PDE7B: variants seen among roughly 807,000 people sequenced by gnomAD.
The protein encoded by PDE7B is 3',5'-cyclic-AMP phosphodiesterase 7B.
A neutral mutation model predicts 56.2 loss-of-function variants in PDE7B; 29 were observed. The ratio of observed to expected loss-of-function variants is 0.52; its 90% confidence interval spans 0.38 to 0.70. The LOEUF (loss-of-function observed/expected upper bound fraction) is 0.70. Among genes scored for constraint, PDE7B ranks in the 30% least tolerant of loss-of-function variants. PDE7B has a pLI of 0.00. For missense variants in PDE7B, 490 were observed against 565.0 expected (o/e 0.87, Z 1.35); for synonymous variants, 197 against 196.9 (o/e 1.00, Z 0.00).
intron 2 of PDE7B, among the ~76,000 whole-genome samples, chr6:135,979,947 G>A (rs577534522): frequency 0.013 from 2,047 of 152,184 alleles, 55 homozygotes; most frequent in African/African-American, 0.046. Context: ...CTACTTTAAA[G>A]TTCATATGGA....
intron 3 of PDE7B, among the ~76,000 whole-genome samples, chr6:136,112,214 G>A (rs1301280621): frequency 6.6e-6 from 1 of 152,116 alleles, no homozygotes; most frequent in East Asian, 1.9e-4. Flanking sequence ...GGAGGGCAGA[G>A]GACATCAGAA....
intron 1 of PDE7B, among the ~76,000 whole-genome samples, chr6:135,878,547 A>G (rs1323373679): frequency 6.6e-6 from 1 of 152,202 alleles, no homozygotes. Flanking sequence ...AAAGAATGCA[A>G]TAAACATTAT....
At position 135,989,220 on chromosome 6, in the gene PDE7B, T is replaced by C. The variant is rs373664777; in HGVS notation, c.82+41696T>C. Among the ~76,000 whole-genome samples, 15 of 152,320 alleles carry C rather than the reference T, an allele frequency of 9.8e-5. 1 individual carries two copies. The highest frequency in any genetic ancestry group is 5.2e-4 in the Admixed American group (8 of 15,296). ...GGATACAATGGTTGACTAAACTTAC[T>C]AGAAAATGAGATGATAAGGGCAGGA... is the stretch of plus-strand genomic sequence containing the variant. On this transcript the variant is annotated intron_variant, in intron 2 of 12. Coordinates refer to ENST00000308191, the MANE Select transcript of PDE7B (RefSeq NM_018945.4).
chr6:135,886,425 T>C (rs1775710770), intron 1 of PDE7B, among the ~76,000 whole-genome samples: 2 of 152,088 alleles, frequency 1.3e-5, no homozygotes, highest in South Asian at 2.1e-4. Flanking sequence ...TTTGGTTACA[T>C]GGATAAGTTC....
At chr6:136,140,878 G>T (rs564367761) in intron 3 of PDE7B, among the ~76,000 whole-genome samples, 370 of 152,200 alleles carry the variant, frequency 2.4e-3, no homozygotes, top group African/African-American at 7.3e-3. Flanking sequence ...GAGACAATGG[G>T]GTTTTCTAGA....
intron 12 of PDE7B, among the ~76,000 whole-genome samples, chr6:136,187,997 C>T (rs764678658): frequency 1.3e-5 from 2 of 152,136 alleles, no homozygotes; most frequent in Non-Finnish European, 2.9e-5. Context: ...GACAGCTGAA[C>T]GCATTCACAG....
chr6:135,928,130 A>G (rs1003488665), intron 1 of PDE7B, among the ~76,000 whole-genome samples: 2 of 151,974 alleles, frequency 1.3e-5, no homozygotes, highest in African/African-American at 2.4e-5. Context: ...TTAAAAAGTT[A>G]AAAAAACAAC....
intron 2 of PDE7B, among the ~76,000 whole-genome samples, chr6:136,043,644 C>T (rs1776450302): frequency 6.9e-6 from 1 of 145,594 alleles, no homozygotes; most frequent in Non-Finnish European, 1.5e-5. Flanking sequence ...TAAATGTATA[C>T]TCTCATAATT....
chr6:135,966,636 T>A (rs1156417007), intron 2 of PDE7B, among the ~76,000 whole-genome samples: 1 of 152,156 alleles, frequency 6.6e-6, no homozygotes, highest in African/African-American at 2.4e-5. Context: ...CTTTGGCCTC[T>A]CTGATGCCCT....
chr6:135,917,318 T>A (rs1425750886), intron 1 of PDE7B, among the ~76,000 whole-genome samples: 2 of 151,616 alleles, frequency 1.3e-5, no homozygotes, highest in Non-Finnish European at 2.9e-5. Flanking sequence ...GCATAGGTTA[T>A]TTTTTTTTCC....
At chr6:136,018,837 T>C (rs968528018) in intron 2 of PDE7B, among the ~76,000 whole-genome samples, 2 of 152,116 alleles carry the variant, frequency 1.3e-5, no homozygotes, top group Non-Finnish European at 2.9e-5. Flanking sequence ...CAAATCCTTA[T>C]TTCAAGAAAC....
intron 2 of PDE7B, among the ~76,000 whole-genome samples, chr6:136,100,699 T>C (rs955858274): frequency 1.3e-5 from 2 of 152,220 alleles, no homozygotes; most frequent in Non-Finnish European, 2.9e-5. Flanking sequence ...AAATATGCTA[T>C]CATGTCATCT....
chr6:135,924,174 C>G (rs1054328284), intron 1 of PDE7B, among the ~76,000 whole-genome samples: 7 of 152,102 alleles, frequency 4.6e-5, no homozygotes, highest in Non-Finnish European at 1.5e-5. Context: ...TTCTTTCATT[C>G]AATAATTCTT....
chr6:136,047,078 A>G (rs1460628092), intron 2 of PDE7B, among the ~76,000 whole-genome samples: 2 of 152,188 alleles, frequency 1.3e-5, no homozygotes, highest in African/African-American at 4.8e-5. Flanking sequence ...TTAAGTTACT[A>G]TGTGCTAGGC....
intron 3 of PDE7B, among the ~76,000 whole-genome samples, chr6:136,111,266 CAATT>C (rs1777742543): frequency 6.6e-6 from 1 of 152,140 alleles, no homozygotes; most frequent in South Asian, 2.1e-4. Flanking sequence ...TAAAGACAAT[CAATT>C]GCTATTGATC....
At chr6:135,954,642 G>T (rs1442104301) in intron 2 of PDE7B, among the ~76,000 whole-genome samples, 1 of 152,264 alleles carries the variant, frequency 6.6e-6, no homozygotes, top group Middle Eastern at 3.4e-3. Flanking sequence ...TTGCCACAGA[G>T]TATATTCTTG....
intron 1 of PDE7B, among the ~76,000 whole-genome samples, chr6:135,934,773 ATAT>A (rs1248487113): frequency 8.6e-6 from 1 of 116,880 alleles, no homozygotes; most frequent in African/African-American, 3.4e-5. Flanking sequence ...ATATATATAT[ATAT>A]TTATTATATA....
intron 2 of PDE7B, among the ~76,000 whole-genome samples, chr6:135,982,036 G>C (rs1036857704): frequency 3.3e-5 from 5 of 152,000 alleles, no homozygotes; most frequent in African/African-American, 1.2e-4. Flanking sequence ...AATCCTATGG[G>C]ACCATCATTG....
intron 2 of PDE7B, among the ~76,000 whole-genome samples, chr6:136,062,338 C>T (rs778311124): frequency 6.6e-6 from 1 of 152,152 alleles, no homozygotes; most frequent in Non-Finnish European, 1.5e-5. Flanking sequence ...TCCATCACCT[C>T]ACATAGTTAC....
Sources: allele counts gnomAD v4.1 joint callset (sites outside exome capture counted in the v4.1 genomes callset), GRCh38; gene constraint gnomAD v4.1.1; transcripts MANE v1.5; gene names NCBI Gene and HGNC (gene_info 2026-07-23, HGNC 2026-07-21).